TPO: variants seen among roughly 807,000 people sequenced by gnomAD.
The protein encoded by TPO is thyroid microsomal antigen.
Under a neutral mutation model 96.9 loss-of-function variants are expected in TPO, and 78 were observed. That is an observed-to-expected ratio of 0.81 (90% CI 0.67 to 0.97). The LOEUF is 0.97. Among genes scored for constraint, TPO ranks in the 50% least tolerant of loss-of-function variants. The pLI is 0.00. For synonymous variants in TPO, 547 were observed against 538.0 expected, an observed-to-expected ratio of 1.02 and a Z score of -0.23; for missense variants, 1,252 against 1,274.8, an observed-to-expected ratio of 0.98 and a Z score of 0.27.
intron 11 of TPO, 133 bp from the exon 12 acceptor site, chr2:1,495,856 C>T: frequency 3.9e-6 from 4 of 1,014,844 alleles, no homozygotes; most frequent in Non-Finnish European, 5.9e-6. Context: ...CCTGTGTGGC[C>T]CCGGGTGCTG....
intron 15 of TPO, 67 bp downstream of exon 15, chr2:1,517,049 C>A: frequency 6.6e-7 from 1 of 1,516,338 alleles, no homozygotes; most frequent in Non-Finnish European, 9.0e-7. Flanking sequence ...GACATGGCTG[C>A]AATGAAGCTG....
rs747527221 is a variant in TPO, at chr2:1,484,749, C to A, written c.1492C>A (p.His498Asn). ...AAFRFGHATI[H>N]PLVRRLDASF... ...CTTCCGCTTCGGCCATGCCACGATC[C>A]ACCCGCTGGTGAGGAGGCTGGACGC... The change falls in exon 9 of 17, where the codon CAC becomes AAC. Residue 498 changes from histidine to asparagine, a missense_variant. Coordinates refer to ENST00000329066, the MANE Select transcript of TPO (RefSeq NM_001206744.2). 5 of 1,614,132 alleles carry A rather than the reference C, an allele frequency of 3.1e-6. No homozygotes were observed. The highest frequency in any genetic ancestry group is 4.2e-6 in the Non-Finnish European group (5 of 1,180,036).
chr2:1,497,385 T>C (rs1259101782), intron 13 of TPO, among the ~76,000 whole-genome samples: 1 of 152,200 alleles, frequency 6.6e-6, no homozygotes, highest in Non-Finnish European at 1.5e-5. Flanking sequence ...GCAGGTGTGC[T>C]GGACAACAGA....
chr2:1,539,542 T>C (rs556696648), intron 15 of TPO, among the ~76,000 whole-genome samples: 2 of 152,106 alleles, frequency 1.3e-5, no homozygotes, highest in African/African-American at 2.4e-5. Flanking sequence ...CTGTCTTCCA[T>C]GTACACCTAG....
Position 1,493,859 on chromosome 2 carries a change from T to C in TPO, c.1826T>C (p.Leu609Pro), listed in dbSNP as rs1672055824. ...GLPRLETPAD[L>P]STAIASRSVA... is the part of the protein sequence containing the mutation. ...CCTCGCCTGGAGACCCCCGCTGACC[T>C]GAGCACAGCCATCGCCAGCAGGAGC... The change falls in exon 11 of 17, where the codon CTG becomes CCG. Residue 609 changes from leucine to proline, a missense_variant. Physicochemically the swap from Leu to Pro is moderately conservative, Grantham distance 98. Coordinates refer to ENST00000329066, the MANE Select transcript of TPO (RefSeq NM_001206744.2). 6.2e-7 allele frequency: 1 copy of C among 1,614,048 alleles called. No individual in the cohort carries two copies. Among genetic ancestry groups the C allele is most frequent in the Admixed American group, 1.7e-5 (1 of 60,008 alleles).
chr2:1,451,052 C>G (rs1296333544), intron 5 of TPO, among the ~76,000 whole-genome samples: 2 of 152,142 alleles, frequency 1.3e-5, no homozygotes, highest in Non-Finnish European at 1.5e-5. Flanking sequence ...GTAACCATGT[C>G]CCCAAGCCTC....
At chr2:1,508,281 G>C (rs966780948) in intron 14 of TPO, among the ~76,000 whole-genome samples, 3 of 151,784 alleles carry the variant, frequency 2.0e-5, no homozygotes, top group Non-Finnish European at 4.4e-5. Context: ...GCTGGATTCG[G>C]TTTGCCAGTA....
upstream of TPO, among the ~76,000 whole-genome samples, chr2:1,409,778 AC>A (rs1558249898): frequency 7.8e-6 from 1 of 128,862 alleles, no homozygotes; most frequent in African/African-American, 3.0e-5. Context: ...ATTTAAAAAT[AC>A]AAAAAACAGT....
intron 14 of TPO, 147 bp downstream of exon 14, chr2:1,504,226 G>C: frequency 6.9e-7 from 1 of 1,444,228 alleles, no homozygotes; most frequent in Non-Finnish European, 9.4e-7. Context: ...GGTGCCCGAG[G>C]GGCGTCTGCG....
chr2:1,375,233 T>C (rs936145902), intron 1 of TPO, among the ~76,000 whole-genome samples: 6 of 151,212 alleles, frequency 4.0e-5, no homozygotes, highest in African/African-American at 1.2e-4. Flanking sequence ...TGGGCTCGAC[T>C]CAGACCTACA....
At chr2:1,492,976 A>C (rs1415375687) in intron 10 of TPO, among the ~76,000 whole-genome samples, 2 of 151,948 alleles carry the variant, frequency 1.3e-5, no homozygotes, top group African/African-American at 4.8e-5. Flanking sequence ...AGATGTGAGG[A>C]GTGGGGCACA....
intron 3 of TPO, among the ~76,000 whole-genome samples, chr2:1,423,647 C>CA (rs1286319704): frequency 1.3e-5 from 2 of 151,988 alleles, no homozygotes; most frequent in South Asian, 2.1e-4. Context: ...AAACAAAAAA[C>CA]AAAAAACCTG....
rs778689842 is a variant in TPO at position 1,477,350 on chromosome 2, G to A, written c.1084G>A (p.Ala362Thr). The change falls in exon 8 of 17, where the codon GCC becomes ACC. Residue 362 changes from alanine to threonine, a missense_variant. Transcript: ENST00000329066. ...VHARLRDSGR[A>T]YLPFVPPRAP... is the part of the protein sequence containing the mutation. Reference sequence around the variant, plus strand: ...CGCGCGCCTCCGGGACTCCGGCCGCGCCTACCTGCCCTTCGTGCCGCCACG... The same window carrying A: ...CGCGCGCCTCCGGGACTCCGGCCGCACCTACCTGCCCTTCGTGCCGCCACG... The A allele has an allele frequency of 4.5e-6, 7 of 1,547,024 alleles. No homozygotes were observed. The South Asian group carries it at 4.7e-5, about 10-fold the overall frequency.
intron 15 of TPO, among the ~76,000 whole-genome samples, chr2:1,532,877 C>A (rs1397619994): frequency 1.1e-5 from 1 of 92,670 alleles, no homozygotes; most frequent in African/African-American, 5.6e-5. Flanking sequence ...TCCTCAAATA[C>A]CCCCAGTTTG....
intron 2 of TPO, among the ~76,000 whole-genome samples, chr2:1,420,498 A>G (rs1663404693): frequency 6.6e-6 from 1 of 152,170 alleles, no homozygotes; most frequent in Non-Finnish European, 1.5e-5. Context: ...TCAAAATTTC[A>G]TAAAGGAAGA....
intron 5 of TPO, among the ~76,000 whole-genome samples, chr2:1,438,565 G>A (rs1251365272): frequency 6.7e-6 from 1 of 150,010 alleles, no homozygotes; most frequent in Non-Finnish European, 1.5e-5. Context: ...CGACCCAGGG[G>A]CCACCCCCCA....
At chr2:1,501,801 G>C (rs927820013) in intron 13 of TPO, among the ~76,000 whole-genome samples, 3 of 152,118 alleles carry the variant, frequency 2.0e-5, no homozygotes, top group Non-Finnish European at 4.4e-5. Flanking sequence ...ACTCCCGAGA[G>C]CCTGCTGAAG....
At position 1,453,842 on chromosome 2, in the gene TPO, A is replaced by C; in HGVS notation, c.612+19A>C. ...GCCCCCGGTGGGTACTCAGAACGCT[A>C]CTATCCTGGACTAAGATTGGGTCCT... On this transcript the variant is annotated intron_variant, in intron 6 of 16. Coordinates refer to ENST00000329066, the MANE Select transcript of TPO (RefSeq NM_001206744.2). 2 of 1,613,478 alleles carry C rather than the reference A, an allele frequency of 1.2e-6. No homozygotes were observed. The highest frequency in any genetic ancestry group is 2.2e-5 in the South Asian group (2 of 91,064).
At chr2:1,531,727 C>CAACCTCCCCAAATCCCCCCCACTCTCTGT (rs1678300895) in intron 15 of TPO, among the ~76,000 whole-genome samples, 1 of 53,056 alleles carries the variant, frequency 1.9e-5, no homozygotes, top group Admixed American at 2.1e-4. Context: ...CCACTCTCTG[C>CAACCTCCCCAAATCCCCCCCACTCTCTGT]AACCTCCCCA....
Sources: allele counts gnomAD v4.1 joint callset (sites outside exome capture counted in the v4.1 genomes callset), GRCh38; gene constraint gnomAD v4.1.1; transcripts MANE v1.5; gene names NCBI Gene and HGNC (gene_info 2026-07-23, HGNC 2026-07-21).